PLPPR5: variants seen among roughly 807,000 people sequenced by gnomAD.
PLPPR5 encodes the protein phospholipid phosphatase related 5.
PLPPR5 carries 16 observed loss-of-function variants against 33.9 expected under a neutral mutation model. The ratio of observed to expected loss-of-function variants is 0.47; its 90% CI spans 0.32 to 0.72. The LOEUF is 0.72. Among genes scored for constraint, PLPPR5 ranks in the 30% least tolerant of loss-of-function variants. The pLI is 0.03. For missense variants in PLPPR5, 301 were observed against 406.7 expected (o/e 0.74, Z 2.23); for synonymous variants, 163 against 150.3 (o/e 1.08, Z -0.62).
intron 3 of PLPPR5, among the ~76,000 whole-genome samples, chr1:98,928,666 A>G (rs1160187835): frequency 6.7e-6 from 1 of 150,028 alleles, no homozygotes; most frequent in Non-Finnish European, 1.5e-5. Flanking sequence ...ATTCCAAAAA[A>G]GATTATACCC....
At chr1:98,951,182 A>C (rs1393230834) in intron 3 of PLPPR5, among the ~76,000 whole-genome samples, 1 of 152,194 alleles carries the variant, frequency 6.6e-6, no homozygotes, top group Non-Finnish European at 1.5e-5. Flanking sequence ...ATGAGTGAAA[A>C]GTACTTTGTG....
chr1:98,932,429 T>G (rs1196780048), intron 3 of PLPPR5, among the ~76,000 whole-genome samples: 1 of 152,152 alleles, frequency 6.6e-6, no homozygotes, highest in Non-Finnish European at 1.5e-5. Context: ...GGTCACTCAA[T>G]GGGTGAATAA....
chr1:98,935,786 A>G (rs1164788603), intron 3 of PLPPR5, among the ~76,000 whole-genome samples: 1 of 152,148 alleles, frequency 6.6e-6, no homozygotes, highest in African/African-American at 2.4e-5. Flanking sequence ...CTCACTCTTT[A>G]CTGAGAAGCC....
chr1:98,989,444 C>T (rs1349385982), intron 1 of PLPPR5, among the ~76,000 whole-genome samples: 2 of 152,054 alleles, frequency 1.3e-5, no homozygotes, highest in African/African-American at 4.8e-5. Flanking sequence ...GACACTGTAA[C>T]CCACAAATGG....
At position 98,891,047 on chromosome 1, in the gene PLPPR5, T is replaced by C. The variant is rs545236978; in HGVS notation, c.*2025A>G. ...CTGGAAGCCTTACTAGTAATCTAGC[T>C]TTCTAAGACATTAGGATCATCCCCT... is the stretch of plus-strand genomic sequence containing the variant. On this transcript the variant is annotated 3_prime_UTR_variant, in exon 6 of 6. Coordinates refer to ENST00000263177, the MANE Select transcript of PLPPR5 (RefSeq NM_001037317.2). The C allele has an allele frequency of 3.9e-5, 6 of 152,234 alleles. No homozygotes were observed. In the East Asian group the frequency reaches 1.2e-3, roughly 29 times the overall value. The allele number at this position is 152,234 out of a possible 1,614,324, so 9.4% of individuals were successfully genotyped here.
At chr1:98,965,235 C>G (rs1273627652) in intron 1 of PLPPR5, among the ~76,000 whole-genome samples, 1 of 152,122 alleles carries the variant, frequency 6.6e-6, no homozygotes, top group Non-Finnish European at 1.5e-5. Flanking sequence ...TGCTCCTGAA[C>G]CCCAACCTGA....
chr1:98,930,592 GC>G (rs1451263218), intron 3 of PLPPR5, among the ~76,000 whole-genome samples: 1 of 152,118 alleles, frequency 6.6e-6, no homozygotes, highest in Non-Finnish European at 1.5e-5. Context: ...TTTGTGATCA[GC>G]AACAAAATAC....
intron 1 of PLPPR5, among the ~76,000 whole-genome samples, chr1:98,982,047 A>G (rs886240119): frequency 6.6e-6 from 1 of 152,076 alleles, no homozygotes; most frequent in Non-Finnish European, 1.5e-5. Context: ...TATTGAGTCA[A>G]ATGTTTCAAC....
At chr1:98,894,911 G>C (rs527535852) in intron 5 of PLPPR5, among the ~76,000 whole-genome samples, 2 of 152,078 alleles carry the variant, frequency 1.3e-5, no homozygotes, top group Non-Finnish European at 2.9e-5. Context: ...AAGTGCACAA[G>C]TGCAAGCTGG....
intron 3 of PLPPR5, among the ~76,000 whole-genome samples, chr1:98,934,245 G>C (rs1348100960): frequency 6.6e-6 from 1 of 152,166 alleles, no homozygotes; most frequent in South Asian, 2.1e-4. Context: ...TGAGGGAGCA[G>C]AGCAGGCATG....
chr1:98,904,972 C>T (rs60534017), intron 5 of PLPPR5, among the ~76,000 whole-genome samples: 28,730 of 152,102 alleles, frequency 0.19, 2,914 homozygotes, highest in Non-Finnish European at 0.21. Flanking sequence ...TGCCAAATGA[C>T]ATCTCATCAG....
chr1:98,956,818 T>A (rs915244325), intron 1 of PLPPR5, 77 bp from the exon 2 acceptor site: 2 of 1,142,556 alleles, frequency 1.8e-6, no homozygotes, highest in African/African-American at 3.2e-5. Flanking sequence ...TTTAAAAATG[T>A]AAAATGGAGC....
chr1:98,925,553 A>C (rs181452618), intron 3 of PLPPR5, among the ~76,000 whole-genome samples: 2 of 152,334 alleles, frequency 1.3e-5, no homozygotes, highest in Non-Finnish European at 2.9e-5. Context: ...GTTTGCTTTT[A>C]CTAAAATATA....
rs760518229 is a variant in PLPPR5 at position 98,893,060 on chromosome 1, T to A, written c.*12A>T. ...TGATGTCCAATGCAGTGAAAAACCATCTGCTTCGATATCATGTGACTTCTG... is the reference window on the plus strand; with the variant it reads ...TGATGTCCAATGCAGTGAAAAACCAACTGCTTCGATATCATGTGACTTCTG... On this transcript the variant is annotated 3_prime_UTR_variant, in exon 6 of 6. Transcript: ENST00000263177. The A allele has an allele frequency of 6.2e-7, 1 of 1,610,880 alleles. No homozygotes were observed. Among genetic ancestry groups the A allele is most frequent in the South Asian group, 1.1e-5 (1 of 90,842 alleles).
chr1:98,968,980 C>T (rs1425116404), intron 1 of PLPPR5, among the ~76,000 whole-genome samples: 5 of 152,044 alleles, frequency 3.3e-5, no homozygotes, highest in Admixed American at 2.0e-4. Context: ...TAAGCTTTCT[C>T]GTATGAAATT....
intron 3 of PLPPR5, among the ~76,000 whole-genome samples, chr1:98,935,370 G>C (rs1320278297): frequency 6.6e-6 from 1 of 152,170 alleles, no homozygotes; most frequent in African/African-American, 2.4e-5. Flanking sequence ...AAGCCATAAT[G>C]AGGGCCTGAA....
At chr1:98,993,239 C>T (rs72732430) in intron 1 of PLPPR5, among the ~76,000 whole-genome samples, 13,927 of 152,050 alleles carry the variant, frequency 0.092, 715 homozygotes, top group Middle Eastern at 0.1. Flanking sequence ...CCCTTCTTCA[C>T]GACTAAAAAG....
intron 3 of PLPPR5, among the ~76,000 whole-genome samples, chr1:98,942,753 C>T (rs1650422408): frequency 6.6e-6 from 1 of 152,176 alleles, no homozygotes; most frequent in Admixed American, 6.5e-5. Flanking sequence ...GGAATGTACA[C>T]ATCATGTGAG....
chr1:98,959,946 A>G (rs2101225771), intron 1 of PLPPR5, among the ~76,000 whole-genome samples: 1 of 152,224 alleles, frequency 6.6e-6, no homozygotes, highest in South Asian at 2.1e-4. Flanking sequence ...TTCTTGGTCT[A>G]GACTAGCTCT....
Sources: allele counts gnomAD v4.1 joint callset (sites outside exome capture counted in the v4.1 genomes callset), GRCh38; gene constraint gnomAD v4.1.1; transcripts MANE v1.5; gene names NCBI Gene and HGNC (gene_info 2026-07-23, HGNC 2026-07-21).